Variants in EPHA8 observed in about 807,000 individuals in gnomAD.
EPHA8 encodes the protein EPH receptor A8.
A neutral mutation model predicts 103.6 loss-of-function variants in EPHA8; 58 were observed. That is an observed-to-expected ratio of 0.56 (90% CI 0.45 to 0.70). The LOEUF is 0.70. EPHA8 is among the 30% of genes least tolerant of loss of function. The pLI, the probability that EPHA8 is intolerant of heterozygous loss-of-function variation, is 0.00. For missense variants in EPHA8, 1,304 were observed against 1,395.2 expected, an observed-to-expected ratio of 0.93 and a Z score of 1.04; for synonymous variants, 559 against 572.5, an observed-to-expected ratio of 0.98 and a Z score of 0.34.
intron 16 of EPHA8, 56 bp from the exon 17 acceptor site, chr1:22,601,568 TGCG>T: frequency 6.3e-7 from 1 of 1,586,780 alleles, no homozygotes; most frequent in Admixed American, 1.8e-5. Context: ...TGGCCCTGGC[TGCG>T]TGCGCGGCTC....
intron 3 of EPHA8, among the ~76,000 whole-genome samples, chr1:22,581,015 G>C (rs1641031475): frequency 6.6e-6 from 1 of 152,230 alleles, no homozygotes; most frequent in Non-Finnish European, 1.5e-5. Flanking sequence ...AGCATCTACT[G>C]TGTCCCGGCA....
chr1:22,563,967 G>A lies in EPHA8; in HGVS notation c.94+238G>A, dbSNP rs1204403948. Among the ~76,000 whole-genome samples the A allele has an allele frequency of 6.6e-6, 1 of 151,974 alleles. No individual in the cohort carries two copies. Among genetic ancestry groups the A allele is most frequent in the East Asian group, 1.9e-4 (1 of 5,162 alleles). ...GGTACCGGGGACTGGGGGACAGTGGGAAAGGACAGGAGACAGGACTGAGGG... is the reference window on the plus strand; with the variant it reads ...GGTACCGGGGACTGGGGGACAGTGGAAAAGGACAGGAGACAGGACTGAGGG... On this transcript the variant is annotated intron_variant, in intron 1 of 16. Coordinates refer to ENST00000166244, the MANE Select transcript of EPHA8 (RefSeq NM_020526.5). The surrounding 1 kb of genome is among the most constrained non-coding windows in gnomAD (Gnocchi z 4.4).
chr1:22,573,090 G>A (rs1394110929), intron 2 of EPHA8, among the ~76,000 whole-genome samples: 1 of 152,210 alleles, frequency 6.6e-6, no homozygotes, highest in African/African-American at 2.4e-5. Context: ...GTGACGCTGT[G>A]CTGCTTGGAG....
At position 22,600,825 on chromosome 1, in the gene EPHA8, C is replaced by G. The variant is rs755427750; in HGVS notation, c.2538+15C>G. 6.3e-7 allele frequency: 1 copy of G among 1,597,186 alleles called. No homozygotes were observed. The highest frequency in any genetic ancestry group is 8.5e-7 in the Non-Finnish European group (1 of 1,170,136). ...CCAACCGGGATGTGAGTGCCAAGCCCTGGCAGGTCCGCGGGCGGTGGAGCC... is the reference window on the plus strand; with the variant it reads ...CCAACCGGGATGTGAGTGCCAAGCCGTGGCAGGTCCGCGGGCGGTGGAGCC... On this transcript the variant is annotated intron_variant, in intron 14 of 16. Transcript: ENST00000166244.
Position 22,602,054 on chromosome 1 carries a change from G to A in EPHA8, c.*313G>A. 3 of 461,102 alleles carry A rather than the reference G, an allele frequency of 6.5e-6. No individual in the cohort carries two copies. The highest frequency in any genetic ancestry group is 1.2e-5 in the Non-Finnish European group (3 of 260,446). The allele number at this position is 461,102 out of a possible 1,614,324, so 28.6% of individuals were successfully genotyped here. A position where few individuals can be genotyped will look rare whatever the true frequency, so the allele number is the denominator to read the frequency against. ...CTCGCCTGCCTCTGTGTGCGTGCAT[G>A]TGTGTGTGTGGTGGGGGGTGTTCTC... On this transcript the variant is annotated 3_prime_UTR_variant, in exon 17 of 17. Coordinates refer to ENST00000166244, the MANE Select transcript of EPHA8 (RefSeq NM_020526.5).
chr1:22,592,076 G>GGATC (rs1000096047), intron 5 of EPHA8, among the ~76,000 whole-genome samples: 19 of 152,300 alleles, frequency 1.2e-4, no homozygotes, highest in African/African-American at 4.1e-4. Flanking sequence ...GAGTCCTAGA[G>GGATC]GATCAAGCGA....
In EPHA8 at chr1:22,597,480, AG is replaced by A. The variant is rs1641552733; in HGVS notation, c.1930+5del. 6.2e-7 allele frequency: 1 copy of A among 1,611,262 alleles called. No homozygotes were observed. The highest frequency in any genetic ancestry group is 1.3e-5 in the African/African-American group (1 of 74,870). On this transcript the variant is annotated splice_donor_5th_base_variant and intron_variant, in intron 10 of 16. Coordinates refer to ENST00000166244, the MANE Select transcript of EPHA8 (RefSeq NM_020526.5). The surrounding 1 kb of genome is among the most constrained non-coding windows in gnomAD (Gnocchi z 4.6). ...ATCGAGAAAATCATCGGCTCTGGTG[AG>A]TCTCAGGGGTTGTGAGGGCGGGGCC...
In EPHA8 at chr1:22,593,308, C is replaced by A. The variant is rs200567814; in HGVS notation, c.1316-18C>A. The A allele has an allele frequency of 6.4e-7, 1 of 1,551,726 alleles. No homozygotes were observed. The highest frequency in any genetic ancestry group is 8.7e-7 in the Non-Finnish European group (1 of 1,145,394). On this transcript the variant is annotated intron_variant, in intron 5 of 16. Coordinates refer to ENST00000166244, the MANE Select transcript of EPHA8 (RefSeq NM_020526.5). ...CCTTGTCTCCCCTCCGCCCATCTGACGGGATTGGCCGCCCCAGCCCCGTCC... is the reference window on the plus strand; with the variant it reads ...CCTTGTCTCCCCTCCGCCCATCTGAAGGGATTGGCCGCCCCAGCCCCGTCC...
In EPHA8 at chr1:22,597,299, T is replaced by G; in HGVS notation, c.1766-13T>G. On this transcript the variant is annotated splice_polypyrimidine_tract_variant and intron_variant, in intron 9 of 16. Coordinates refer to ENST00000166244, the MANE Select transcript of EPHA8 (RefSeq NM_020526.5). The surrounding 1 kb of genome is among the most constrained non-coding windows in gnomAD (Gnocchi z 4.6). ...TCCTGGGCCCCACTGAAGGCCCTCC[T>G]CCCGCCCCTCAGCACCCCCACCTGT... 4.3e-5 allele frequency: 46 copies of G among 1,078,080 alleles called. No homozygotes were observed. The highest frequency in any genetic ancestry group is 2.3e-4 in the Middle Eastern group (1 of 4,432). The allele number at this position is 1,078,080 out of a possible 1,614,324, so 66.8% of individuals were successfully genotyped here. A position where few individuals can be genotyped will look rare whatever the true frequency, so the allele number is the denominator to read the frequency against.
At chr1:22,578,697 CTGTG>C (rs146554873) in intron 3 of EPHA8, among the ~76,000 whole-genome samples, 11,030 of 145,228 alleles carry the variant, frequency 0.076, 515 homozygotes, top group Non-Finnish European at 0.11. Flanking sequence ...GTATGTGTGC[CTGTG>C]TGTGTATGTA....
intron 1 of EPHA8, among the ~76,000 whole-genome samples, chr1:22,566,790 A>T (rs775842905): frequency 2.0e-4 from 31 of 152,102 alleles, no homozygotes; most frequent in Non-Finnish European, 4.0e-4. Flanking sequence ...TTCAGCACTC[A>T]TCAAACCTCC....
chr1:22,600,360 G>A (rs559054547), intron 13 of EPHA8, among the ~76,000 whole-genome samples: 6 of 152,060 alleles, frequency 3.9e-5, no homozygotes, highest in South Asian at 4.2e-4. Context: ...AAGGAAGTGG[G>A]GGAAGAGAAG....
At chr1:22,578,741 G>T (rs1160082726) in intron 3 of EPHA8, among the ~76,000 whole-genome samples, 1 of 150,264 alleles carries the variant, frequency 6.7e-6, no homozygotes, top group African/African-American at 2.4e-5. Flanking sequence ...GCAAGTGTAT[G>T]TACGGATTTG....
At chr1:22,601,274 A>G (rs202206767) in intron 15 of EPHA8, 26 bp from the exon 16 acceptor site, 28 of 1,581,888 alleles carry the variant, frequency 1.8e-5, no homozygotes, top group Non-Finnish European at 2.3e-5. Context: ...CCCTCTGGCC[A>G]CTTACCAAGA....
intron 2 of EPHA8, among the ~76,000 whole-genome samples, chr1:22,571,618 G>T (rs747065497): frequency 2.6e-5 from 4 of 152,170 alleles, no homozygotes; most frequent in African/African-American, 9.7e-5. Context: ...GGGGTTTCTC[G>T]GAGAGGAGAG....
At chr1:22,572,951 G>T (rs1211380322) in intron 2 of EPHA8, among the ~76,000 whole-genome samples, 1 of 152,234 alleles carries the variant, frequency 6.6e-6, no homozygotes, top group Non-Finnish European at 1.5e-5. Flanking sequence ...ATTGGCCCCG[G>T]TGGGGCAGCT....
rs55947629 is a variant in EPHA8, at chr1:22,600,723, G to A, written c.2451G>A (p.Ser817=). The A allele has an allele frequency of 1.1e-4, 180 of 1,613,480 alleles. No individual in the cohort carries two copies. The highest frequency in any genetic ancestry group is 1.5e-4 in the Non-Finnish European group (174 of 1,179,812). ...CCATCGCCTTCCGCACCTTCTCCTC[G>A]GCCAGCGACGTGTGGAGCTTCGGCG... is the stretch of plus-strand genomic sequence containing the variant. ...PEAIAFRTFS[S]ASDVWSFGVV... Residue 817 remains serine (S), a synonymous_variant, in exon 14 of 17, where the codon TCG becomes TCA. Coordinates refer to ENST00000166244, the MANE Select transcript of EPHA8 (RefSeq NM_020526.5).
chr1:22,579,313 G>GTA (rs1341541622), intron 3 of EPHA8, among the ~76,000 whole-genome samples: 1 of 151,434 alleles, frequency 6.6e-6, no homozygotes, highest in African/African-American at 2.4e-5. Flanking sequence ...GTACATGAGT[G>GTA]TATATATGCA....
intron 2 of EPHA8, among the ~76,000 whole-genome samples, chr1:22,572,387 G>C (rs1397183376): frequency 6.6e-6 from 1 of 152,216 alleles, no homozygotes; most frequent in East Asian, 1.9e-4. Flanking sequence ...AGATGAAAAG[G>C]CCATTTTACC....
Sources: gnomAD v4.1 joint callset for allele counts (sites outside exome capture counted in the v4.1 genomes callset) on GRCh38, gnomAD v4.1.1 for gene constraint, Gnocchi (gnomAD v3.1) non-coding constraint, MANE v1.5 for transcripts, NCBI Gene and HGNC (gene_info 2026-07-23, HGNC 2026-07-21) for gene names.